HBS1L: variants seen among roughly 807,000 people sequenced by gnomAD.
HBS1L encodes HBS1 like translational GTPase, also known as HBS1-like protein.
Under a neutral mutation model 88.9 loss-of-function variants are expected in HBS1L, and 55 were observed. The ratio of observed to expected loss-of-function variants is 0.62; its 90% CI spans 0.50 to 0.77. HBS1L has a LOEUF of 0.77. Among genes scored for constraint, HBS1L ranks in the 30% least tolerant of loss-of-function variants. HBS1L has a pLI of 0.00. For synonymous variants in HBS1L, 267 were observed against 288.5 expected (o/e 0.93, Z 0.76); for missense variants, 741 against 829.3 (o/e 0.89, Z 1.31).
intron 15 of HBS1L, among the ~76,000 whole-genome samples, chr6:134,975,836 T>C (rs776028492): frequency 6.6e-6 from 1 of 152,096 alleles, no homozygotes; most frequent in Non-Finnish European, 1.5e-5. Flanking sequence ...GAGGTTCTTC[T>C]GGACATTGGC....
In HBS1L at chr6:134,963,325, T is replaced by C. The variant is rs1583048082; in HGVS notation, c.*1954A>G. 1 of 152,162 alleles carries C rather than the reference T, an allele frequency of 6.6e-6. No individual in the cohort carries two copies. Among genetic ancestry groups the C allele is most frequent in the East Asian group, 1.9e-4 (1 of 5,192 alleles). 9.4% of individuals were successfully genotyped at this position (152,162 alleles called of 1,614,324 possible). ...TCTAGGACTTCTGGAGAAGATATGCTCTTTTAGTCTGTCCTTGCCCTGGAT... is the reference window on the plus strand; with the variant it reads ...TCTAGGACTTCTGGAGAAGATATGCCCTTTTAGTCTGTCCTTGCCCTGGAT... On this transcript the variant is annotated 3_prime_UTR_variant, in exon 18 of 18. Transcript: ENST00000367837.
chr6:134,968,644 G>C (rs12663810), intron 16 of HBS1L, among the ~76,000 whole-genome samples: 46,726 of 151,614 alleles, frequency 0.31, 7,692 homozygotes, highest in Non-Finnish European at 0.37. Context: ...TCCCAATCTC[G>C]TCCTAGCCAA....
At chr6:135,043,602 GTAATGACTTAT>G (rs1250694350) in intron 2 of HBS1L, among the ~76,000 whole-genome samples, 4 of 152,128 alleles carry the variant, frequency 2.6e-5, no homozygotes, top group Non-Finnish European at 5.9e-5. Flanking sequence ...GAAGAAAAAC[GTAATGACTTAT>G]TCTAAAAGCC....
chr6:135,047,484 C>T (rs1020648990), intron 2 of HBS1L, among the ~76,000 whole-genome samples: 10 of 152,182 alleles, frequency 6.6e-5, no homozygotes, highest in Non-Finnish European at 1.3e-4. Context: ...ATGCATACCA[C>T]GAGCATACCC....
At chr6:134,992,861 G>A (rs1025885869) in intron 8 of HBS1L, among the ~76,000 whole-genome samples, 1 of 152,118 alleles carries the variant, frequency 6.6e-6, no homozygotes, top group Non-Finnish European at 1.5e-5. Flanking sequence ...GTATACAGTC[G>A]TGTCCTAGGC....
chr6:134,971,415 C>T (rs1300859455), intron 15 of HBS1L, among the ~76,000 whole-genome samples: 1 of 152,164 alleles, frequency 6.6e-6, no homozygotes. Flanking sequence ...CAAGGTGTGA[C>T]TAAGGAACTG....
chr6:134,982,169 A>G, intron 13 of HBS1L: 1 of 248,092 alleles, frequency 4.0e-6, no homozygotes. Flanking sequence ...TCTGTGAGGT[A>G]TCTATACATA....
intron 4 of HBS1L, among the ~76,000 whole-genome samples, chr6:135,011,673 G>T (rs1190433209): frequency 6.6e-6 from 1 of 152,158 alleles, no homozygotes; most frequent in African/African-American, 2.4e-5. Context: ...GGAAGGCCAA[G>T]GTGGGTGGAT....
At chr6:134,980,855 T>C (rs1172759401) in intron 13 of HBS1L, among the ~76,000 whole-genome samples, 1 of 151,864 alleles carries the variant, frequency 6.6e-6, no homozygotes, top group Non-Finnish European at 1.5e-5. Context: ...CAGTAGTACC[T>C]AAAAATGTTT....
At chr6:135,032,388 G>A (rs1023341493) in intron 4 of HBS1L, among the ~76,000 whole-genome samples, 1 of 152,038 alleles carries the variant, frequency 6.6e-6, no homozygotes, top group Non-Finnish European at 1.5e-5. Context: ...TTGTATAACT[G>A]CATAAGCTGA....
chr6:135,044,208 T>C (rs1272520780), intron 2 of HBS1L, among the ~76,000 whole-genome samples: 5 of 152,232 alleles, frequency 3.3e-5, no homozygotes, highest in African/African-American at 7.2e-5. Context: ...GAGTACTTAT[T>C]AGGAAATTAA....
rs184774317 is a variant in HBS1L at position 135,036,727 on chromosome 6, T to C, written c.430+2846A>G. 253 of 1,551,134 alleles carry C rather than the reference T, an allele frequency of 1.6e-4. No individual in the cohort carries two copies. The African/African-American group carries it at 2.7e-3, about 16-fold the overall frequency. Reference sequence around the variant, plus strand: ...CTTATAGAGGTCAAGGGTGCGTCGCTTGCAGCTTTTCAGTGGGTAACGAAG... The same window carrying C: ...CTTATAGAGGTCAAGGGTGCGTCGCCTGCAGCTTTTCAGTGGGTAACGAAG... On this transcript the variant is annotated intron_variant, in intron 4 of 17. Coordinates refer to ENST00000367837, the MANE Select transcript of HBS1L (RefSeq NM_006620.4).
Position 134,979,158 on chromosome 6 carries a change from A to G in HBS1L, c.1688+20T>C. On this transcript the variant is annotated intron_variant, in intron 14 of 17. Transcript: ENST00000367837. ...TCCTATATGAAGACAACGGTTGCTTAAACTCATTTTCTCACTCACTTGATT... is the reference window on the plus strand; with the variant it reads ...TCCTATATGAAGACAACGGTTGCTTGAACTCATTTTCTCACTCACTTGATT... 6.3e-7 allele frequency: 1 copy of G among 1,576,002 alleles called. No homozygotes were observed. Among genetic ancestry groups the G allele is most frequent in the African/African-American group, 1.3e-5 (1 of 74,238 alleles).
At chr6:135,003,686 T>C in intron 4 of HBS1L, among the ~76,000 whole-genome samples, 1 of 150,896 alleles carries the variant, frequency 6.6e-6, no homozygotes, top group East Asian at 1.9e-4. Context: ...ACCAACACAG[T>C]GAAACCCCTC....
At chr6:135,047,589 G>A (rs148636065) in intron 2 of HBS1L, among the ~76,000 whole-genome samples, 258 of 152,258 alleles carry the variant, frequency 1.7e-3, no homozygotes, top group Middle Eastern at 6.8e-3. Context: ...ACTCTCAAGC[G>A]ATGCTGATGG....
intron 2 of HBS1L, 99 bp from the exon 3 acceptor site, chr6:135,042,225 A>G (rs113322937): frequency 3.0e-6 from 3 of 1,009,674 alleles, no homozygotes; most frequent in Non-Finnish European, 4.2e-6. Context: ...CTAATCAATC[A>G]CCTATAGTTA....
At chr6:135,035,278 C>T (rs912666399) in intron 4 of HBS1L, among the ~76,000 whole-genome samples, 6 of 151,982 alleles carry the variant, frequency 3.9e-5, no homozygotes, top group Admixed American at 6.5e-5. Context: ...GGTGAAACCC[C>T]GTCTCTACTA....
At chr6:134,989,632 A>C (rs1240961688) in intron 8 of HBS1L, among the ~76,000 whole-genome samples, 1 of 152,222 alleles carries the variant, frequency 6.6e-6, no homozygotes, top group East Asian at 1.9e-4. Flanking sequence ...ACAACAGAAC[A>C]TTACGATTTA....
intron 5 of HBS1L, among the ~76,000 whole-genome samples, chr6:135,000,321 A>G (rs1294715157): frequency 2.7e-5 from 4 of 150,500 alleles, no homozygotes; most frequent in African/African-American, 9.9e-5. Flanking sequence ...TCAGCCTCCT[A>G]AAGTGCTGGA....
Sources: allele counts gnomAD v4.1 joint callset (sites outside exome capture counted in the v4.1 genomes callset), GRCh38; gene constraint gnomAD v4.1.1; transcripts MANE v1.5; gene names NCBI Gene and HGNC (gene_info 2026-07-23, HGNC 2026-07-21).